Variants in DACH1 observed in about 807,000 individuals in gnomAD.
DACH1 encodes dachshund family transcription factor 1.
Under a neutral mutation model 54.2 loss-of-function variants are expected in DACH1, and 12 were observed. The observed-to-expected ratio is 0.22, with a 90% CI of 0.14 to 0.36. The LOEUF is 0.36. Among genes scored for constraint, DACH1 ranks in the 10% least tolerant of loss-of-function variants. The pLI, the probability that DACH1 is intolerant of heterozygous loss-of-function variation, is 1.00. For missense variants in DACH1, 805 were observed against 929.8 expected, an observed-to-expected ratio of 0.87 and a Z score of 1.75; for synonymous variants, 386 against 366.2, an observed-to-expected ratio of 1.05 and a Z score of -0.62.
intron 3 of DACH1, among the ~76,000 whole-genome samples, chr13:71,581,914 G>T (rs1412815834): frequency 6.6e-6 from 1 of 152,238 alleles, no homozygotes; most frequent in African/African-American, 2.4e-5. Flanking sequence ...ATATTGGACT[G>T]GTTGAATATG....
intron 1 of DACH1, among the ~76,000 whole-genome samples, chr13:71,793,598 C>A (rs1032089060): frequency 2.6e-5 from 4 of 152,184 alleles, no homozygotes; most frequent in Admixed American, 1.3e-4. Flanking sequence ...TGCAGTGGTG[C>A]AATCTCACTG....
At chr13:71,791,015 CA>C (rs1886807530) in intron 1 of DACH1, among the ~76,000 whole-genome samples, 1 of 152,158 alleles carries the variant, frequency 6.6e-6, no homozygotes. Context: ...CACTATTTTT[CA>C]AGAAATATCC....
chr13:71,469,155 G>C (rs1244585895), intron 10 of DACH1, among the ~76,000 whole-genome samples: 1 of 152,118 alleles, frequency 6.6e-6, no homozygotes, highest in Non-Finnish European at 1.5e-5. Flanking sequence ...GTGTGACTGT[G>C]AGAAAGTTAA....
chr13:71,558,378 T>C (rs775120547), intron 5 of DACH1, among the ~76,000 whole-genome samples: 5 of 152,058 alleles, frequency 3.3e-5, no homozygotes, highest in Non-Finnish European at 7.4e-5. Flanking sequence ...TATTTCCATT[T>C]CAACAATTAT....
chr13:71,621,453 G>C (rs1822321324), intron 3 of DACH1, among the ~76,000 whole-genome samples: 1 of 152,066 alleles, frequency 6.6e-6, no homozygotes, highest in Non-Finnish European at 1.5e-5. Context: ...ATCCATATCT[G>C]TGAGCAGGAG....
intron 6 of DACH1, among the ~76,000 whole-genome samples, chr13:71,518,455 A>G (rs535562025): frequency 8.9e-4 from 136 of 151,958 alleles, no homozygotes; most frequent in Admixed American, 2.3e-3. Context: ...ACTCCAACAA[A>G]CTAATATAGT....
At chr13:71,825,722 T>C (rs1888352430) in intron 1 of DACH1, among the ~76,000 whole-genome samples, 1 of 152,112 alleles carries the variant, frequency 6.6e-6, no homozygotes, top group Admixed American at 6.6e-5. Flanking sequence ...ATTTGGCTTG[T>C]TATTTTGTTT....
intron 3 of DACH1, among the ~76,000 whole-genome samples, chr13:71,601,876 A>G (rs1273979089): frequency 1.3e-5 from 2 of 152,006 alleles, no homozygotes; most frequent in Non-Finnish European, 2.9e-5. Context: ...ACTCTTGTAC[A>G]TATTTTATAT....
chr13:71,615,571 TTTTAAAA>T (rs549578989), intron 3 of DACH1, among the ~76,000 whole-genome samples: 17 of 152,306 alleles, frequency 1.1e-4, no homozygotes, highest in African/African-American at 3.6e-4. Context: ...TGCCCGTACT[TTTTAAAA>T]AGTGTAGCAA....
chr13:71,854,765 C>T (rs1257791822), intron 1 of DACH1, among the ~76,000 whole-genome samples: 2 of 152,090 alleles, frequency 1.3e-5, no homozygotes, highest in East Asian at 3.9e-4. Flanking sequence ...TGTTAAATCA[C>T]CATGAAACTA....
chr13:71,836,260 C>CA (rs199581504), intron 1 of DACH1, among the ~76,000 whole-genome samples: 80 of 149,034 alleles, frequency 5.4e-4, no homozygotes, highest in African/African-American at 1.2e-3. Context: ...CTACATTTTC[C>CA]AAAAAAAAAG....
At chr13:71,503,811 T>C (rs1455246066) in intron 6 of DACH1, among the ~76,000 whole-genome samples, 1 of 152,254 alleles carries the variant, frequency 6.6e-6, no homozygotes, top group African/African-American at 2.4e-5. Context: ...TTAAGTGACC[T>C]TTATATCCCT....
intron 3 of DACH1, among the ~76,000 whole-genome samples, chr13:71,585,214 A>T (rs1319120873): frequency 8.1e-6 from 1 of 122,906 alleles, no homozygotes; most frequent in Non-Finnish European, 1.7e-5. Context: ...AAAAATAAAC[A>T]AATAAATAAA....
At chr13:71,545,213 T>G in intron 6 of DACH1, among the ~76,000 whole-genome samples, 1 of 152,200 alleles carries the variant, frequency 6.6e-6, no homozygotes, top group South Asian at 2.1e-4. Context: ...TAACCAGGAC[T>G]TAAATAGAGA....
Position 71,774,550 on chromosome 13 carries a change from C to G in DACH1, c.848+91372G>C, listed in dbSNP as rs537233184. Among the ~76,000 whole-genome samples, 14 of 152,038 alleles carry G rather than the reference C, an allele frequency of 9.2e-5. No individual in the cohort carries two copies. The South Asian group carries it at 1.5e-3, about 16-fold the overall frequency. ...TGAGTGCATATTATATGGTAGAAACCGTATAATTTAGTTATGATACCAACC... is the reference window on the plus strand; with the variant it reads ...TGAGTGCATATTATATGGTAGAAACGGTATAATTTAGTTATGATACCAACC... On this transcript the variant is annotated intron_variant, in intron 1 of 10. Coordinates refer to ENST00000613252, the MANE Select transcript of DACH1 (RefSeq NM_080759.6).
At chr13:71,687,505 T>C (rs1424334408) in intron 1 of DACH1, among the ~76,000 whole-genome samples, 1 of 152,188 alleles carries the variant, frequency 6.6e-6, no homozygotes, top group Non-Finnish European at 1.5e-5. Context: ...TATGCTAAAA[T>C]ACTGAATGCT....
intron 6 of DACH1, among the ~76,000 whole-genome samples, chr13:71,514,702 T>C (rs1247750614): frequency 1.3e-5 from 2 of 151,954 alleles, no homozygotes; most frequent in African/African-American, 4.8e-5. Context: ...TGTGTACATT[T>C]CTTTCATCTC....
chr13:71,831,554 C>G (rs929429531), intron 1 of DACH1, among the ~76,000 whole-genome samples: 1 of 151,610 alleles, frequency 6.6e-6, no homozygotes, highest in South Asian at 2.1e-4. Context: ...TACTATATAC[C>G]CACCAGAGAG....
intron 6 of DACH1, among the ~76,000 whole-genome samples, chr13:71,520,264 A>C (rs1593827676): frequency 6.6e-6 from 1 of 151,832 alleles, no homozygotes; most frequent in East Asian, 2.0e-4. Flanking sequence ...TATGGTAAGA[A>C]TTAGGTGTAA....
Sources: gnomAD v4.1 joint callset for allele counts (sites outside exome capture counted in the v4.1 genomes callset) on GRCh38, gnomAD v4.1.1 for gene constraint, MANE v1.5 for transcripts, NCBI Gene and HGNC (gene_info 2026-07-23, HGNC 2026-07-21) for gene names.